Variants in NFASC observed in about 807,000 individuals in gnomAD.
NFASC encodes the protein neurofascin homolog.
In NFASC, 43 loss-of-function variants were observed where a neutral mutation model predicts 147.5. The ratio of observed to expected loss-of-function variants is 0.29; its 90% CI spans 0.23 to 0.38. NFASC has a LOEUF of 0.38. NFASC is among the 10% of genes least tolerant of loss of function. NFASC has a pLI of 1.00. For synonymous variants in NFASC, 622 were observed against 665.5 expected (o/e 0.93, Z 1.01); for missense variants, 1,320 against 1,689.0 (o/e 0.78, Z 3.83).
intron 8 of NFASC, chr1:204,962,116 T>C: frequency 6.2e-7 from 1 of 1,613,600 alleles, no homozygotes. Flanking sequence ...AGACCACCCT[T>C]ATAATGACTC....
chr1:205,015,291 C>T lies in NFASC; in HGVS notation c.3492-1017C>T, dbSNP rs989234892. ...CCGCTATGGTCCCACCACTGAGACC[C>T]AGACTCCCACTGCTCAGACCCAGAC... is the stretch of plus-strand genomic sequence containing the variant. On this transcript the variant is annotated intron_variant, in intron 29 of 29. Coordinates refer to ENST00000339876, the MANE Select transcript of NFASC (RefSeq NM_001005388.3). The surrounding 1 kb of genome is among the most constrained non-coding windows in gnomAD (Gnocchi z 4.0). 2.0e-5 allele frequency among the ~76,000 whole-genome samples: 3 copies of T among 152,004 alleles called. No individual in the cohort carries two copies. Among genetic ancestry groups the T allele is most frequent in the Admixed American group, 2.0e-4 (3 of 15,256 alleles).
In NFASC at chr1:204,968,805, C is replaced by G; in HGVS notation, c.826C>G (p.Pro276Ala). ...LECIASGVPT[P>A]DIAWYKKGGD... Reference sequence around the variant, plus strand: ...GCTTGGCGCCTCTCCTAGCCCAACACCAGACATCGCATGGTACAAGAAAGG... The same window carrying G: ...GCTTGGCGCCTCTCCTAGCCCAACAGCAGACATCGCATGGTACAAGAAAGG... Residue 276 changes from proline (P) to alanine (A), a missense_variant, in exon 10 of 30, where the codon CCA becomes GCA. Transcript: ENST00000339876. The surrounding 1 kb of genome is among the most constrained non-coding windows in gnomAD (Gnocchi z 5.4). 6.2e-7 allele frequency: 1 copy of G among 1,612,758 alleles called. No individual in the cohort carries two copies. The highest frequency in any genetic ancestry group is 8.5e-7 in the Non-Finnish European group (1 of 1,179,600).
intron 2 of NFASC, among the ~76,000 whole-genome samples, chr1:204,925,057 T>G (rs1316031168): frequency 2.0e-5 from 3 of 152,302 alleles, no homozygotes; most frequent in African/African-American, 7.2e-5. Flanking sequence ...GTATTTTTAA[T>G]AGAGACAGGG....
At chr1:204,956,523 G>C (rs1182631822) in intron 7 of NFASC, among the ~76,000 whole-genome samples, 1 of 152,198 alleles carries the variant, frequency 6.6e-6, no homozygotes, top group Non-Finnish European at 1.5e-5. Flanking sequence ...AGAATGCACT[G>C]GGTTCTTTTT....
chr1:204,883,336 G>T (rs913153066), intron 1 of NFASC, among the ~76,000 whole-genome samples: 1 of 152,228 alleles, frequency 6.6e-6, no homozygotes, highest in African/African-American at 2.4e-5. Context: ...TTGAGTGAGT[G>T]ACAGCTGTGC....
chr1:205,003,669 G>A (rs1170644991), intron 27 of NFASC, among the ~76,000 whole-genome samples: 2 of 152,164 alleles, frequency 1.3e-5, no homozygotes, highest in African/African-American at 2.4e-5. Flanking sequence ...TCAGATGCAG[G>A]TCATTAGATA....
At chr1:205,001,074 TGCGTGCATGCACAC>T in intron 25 of NFASC, 82 bp from the exon 26 acceptor site, 1 of 745,026 alleles carries the variant, frequency 1.3e-6, no homozygotes, top group Non-Finnish European at 2.4e-6. Flanking sequence ...TGTGGGCATG[TGCGTGCATGCACAC>T]GCTTGTGTGT....
At position 204,954,378 on chromosome 1, in the gene NFASC, G is replaced by A; in HGVS notation, c.406G>A (p.Val136Met). 1 of 1,613,986 alleles carries A rather than the reference G, an allele frequency of 6.2e-7. No homozygotes were observed. ...CCTGTCCAATAGGATCCGCCTGCAG[G>A]TGTCTAGTGAGTAGCGTGGGGCAGG... is the stretch of plus-strand genomic sequence containing the variant. ...TALSNRIRLQ[V>M]SKSPLWPKEN... Residue 136 changes from valine (V) to methionine (M), a missense_variant, in exon 6 of 30, where the codon GTG becomes ATG. Val to Met is a conservative substitution (Grantham distance 21). Coordinates refer to ENST00000339876, the MANE Select transcript of NFASC (RefSeq NM_001005388.3). The surrounding 1 kb of genome is among the most constrained non-coding windows in gnomAD (Gnocchi z 5.7).
At chr1:204,831,818 G>A (rs1393552680) in intron 1 of NFASC, among the ~76,000 whole-genome samples, 1 of 152,118 alleles carries the variant, frequency 6.6e-6, no homozygotes, top group Non-Finnish European at 1.5e-5. Context: ...GCTAGGTGCT[G>A]AGACCATAGA....
intron 27 of NFASC, among the ~76,000 whole-genome samples, chr1:205,007,131 A>G (rs1450520563): frequency 6.6e-6 from 1 of 151,842 alleles, no homozygotes; most frequent in East Asian, 1.9e-4. Context: ...CTGGAGCTGA[A>G]AAGTGTGGCA....
intron 1 of NFASC, among the ~76,000 whole-genome samples, chr1:204,889,170 A>G (rs2081916022): frequency 6.6e-6 from 1 of 152,270 alleles, no homozygotes; most frequent in Non-Finnish European, 1.5e-5. Flanking sequence ...GTGAAACTCT[A>G]AAACCAAAAC....
At chr1:204,957,967 G>T in intron 8 of NFASC, 141 bp downstream of exon 8, 1 of 709,944 alleles carries the variant, frequency 1.4e-6, no homozygotes, top group Admixed American at 2.6e-5. Flanking sequence ...TGGTGCCTGA[G>T]CCACTTCAGC....
At chr1:204,881,936 G>A (rs2080326341) in intron 1 of NFASC, among the ~76,000 whole-genome samples, 1 of 152,002 alleles carries the variant, frequency 6.6e-6, no homozygotes, top group South Asian at 2.1e-4. Context: ...TGATCACCCT[G>A]GCCTGTTTGC....
chr1:204,834,618 A>T (rs1673158972), intron 1 of NFASC, among the ~76,000 whole-genome samples: 1 of 152,058 alleles, frequency 6.6e-6, no homozygotes, highest in Admixed American at 6.5e-5. Flanking sequence ...GATGCTAATC[A>T]TGTTGTTATT....
chr1:204,872,364 A>G (rs2077881873), intron 1 of NFASC, among the ~76,000 whole-genome samples: 1 of 152,218 alleles, frequency 6.6e-6, no homozygotes, highest in African/African-American at 2.4e-5. Context: ...CACTGTGGAC[A>G]CTTGCTTCCC....
chr1:204,872,238 C>A (rs2077847319), intron 1 of NFASC, among the ~76,000 whole-genome samples: 1 of 152,174 alleles, frequency 6.6e-6, no homozygotes, highest in Admixed American at 6.5e-5. Flanking sequence ...ATGCACAAAG[C>A]AAACGGTACA....
intron 1 of NFASC, among the ~76,000 whole-genome samples, chr1:204,914,284 G>C (rs949463571): frequency 2.6e-5 from 4 of 152,178 alleles, no homozygotes; most frequent in African/African-American, 9.7e-5. Flanking sequence ...CCCATATGTA[G>C]TGGGAGGGAC....
intron 1 of NFASC, among the ~76,000 whole-genome samples, chr1:204,904,092 C>T (rs775215915): frequency 3.3e-5 from 5 of 152,010 alleles, no homozygotes; most frequent in Non-Finnish European, 5.9e-5. Context: ...TCGAGTTTTT[C>T]GTGTGTGTGT....
chr1:204,946,023 C>G (rs944721070), intron 3 of NFASC, among the ~76,000 whole-genome samples: 5 of 152,114 alleles, frequency 3.3e-5, no homozygotes, highest in Non-Finnish European at 5.9e-5. Context: ...TTCTAAAGCT[C>G]TACAGGAAAC....
Sources: gnomAD v4.1 joint callset for allele counts (sites outside exome capture counted in the v4.1 genomes callset) on GRCh38, gnomAD v4.1.1 for gene constraint, Gnocchi (gnomAD v3.1) non-coding constraint, MANE v1.5 for transcripts, NCBI Gene and HGNC (gene_info 2026-07-23, HGNC 2026-07-21) for gene names.